KCNT2: variants seen among roughly 807,000 people sequenced by gnomAD.
The protein encoded by KCNT2 is potassium channel subfamily T member 2.
In KCNT2, 67 loss-of-function variants were observed where a neutral mutation model predicts 153.8. That is an observed-to-expected ratio of 0.44 (90% CI 0.36 to 0.53). KCNT2 has a LOEUF of 0.53. Ranked by LOEUF, KCNT2 falls within the 20% of genes least tolerant of loss-of-function variation. KCNT2 has a pLI of 0.00. For missense variants in KCNT2, 975 were observed against 1,354.8 expected, an observed-to-expected ratio of 0.72 and a Z score of 4.40; for synonymous variants, 500 against 458.8, an observed-to-expected ratio of 1.09 and a Z score of -1.15.
At chr1:196,277,633 T>C (rs1202878918) in intron 25 of KCNT2, among the ~76,000 whole-genome samples, 1 of 152,130 alleles carries the variant, frequency 6.6e-6, no homozygotes, top group African/African-American at 2.4e-5. Context: ...GACTCTCCAA[T>C]AGTAATTACT....
chr1:196,321,731 C>A (rs1204768161), intron 19 of KCNT2, among the ~76,000 whole-genome samples: 2 of 151,808 alleles, frequency 1.3e-5, no homozygotes, highest in Non-Finnish European at 2.9e-5. Flanking sequence ...ATGCCGTATT[C>A]TTTGCAAAAT....
At chr1:196,292,024 A>C (rs151008296) in intron 22 of KCNT2, among the ~76,000 whole-genome samples, 1 of 152,210 alleles carries the variant, frequency 6.6e-6, no homozygotes, top group African/African-American at 2.4e-5. Context: ...AATGTGTCTT[A>C]AAAAATAGAA....
intron 27 of KCNT2, among the ~76,000 whole-genome samples, chr1:196,231,368 G>C (rs1305461152): frequency 6.6e-6 from 1 of 151,820 alleles, no homozygotes; most frequent in Non-Finnish European, 1.5e-5. Context: ...AATCTCTGAG[G>C]TATGCCTGAG....
At chr1:196,516,995 T>C in intron 1 of KCNT2, among the ~76,000 whole-genome samples, 1 of 152,138 alleles carries the variant, frequency 6.6e-6, no homozygotes, top group East Asian at 1.9e-4. Context: ...CAGCTGGGAC[T>C]ATGGAGCCAG....
intron 12 of KCNT2, among the ~76,000 whole-genome samples, chr1:196,407,349 CA>C (rs34141938): frequency 6.6e-6 from 1 of 151,370 alleles, no homozygotes; most frequent in African/African-American, 2.4e-5. Flanking sequence ...GTACATCTGT[CA>C]AAAATTTACC....
chr1:196,394,997 T>A (rs1558237843), intron 13 of KCNT2, among the ~76,000 whole-genome samples: 1 of 150,890 alleles, frequency 6.6e-6, no homozygotes, highest in African/African-American at 2.4e-5. Context: ...TTTTTTTTTT[T>A]AAGTTTTAAT....
intron 22 of KCNT2, among the ~76,000 whole-genome samples, chr1:196,287,951 C>G (rs2147901680): frequency 6.6e-6 from 1 of 151,996 alleles, no homozygotes; most frequent in East Asian, 1.9e-4. Flanking sequence ...AATAATTAGG[C>G]AGTAATACAT....
chr1:196,539,576 C>T lies in KCNT2; in HGVS notation c.96-47235G>A, dbSNP rs541232474. On this transcript the variant is annotated intron_variant, in intron 1 of 27. Coordinates refer to ENST00000294725, the MANE Select transcript of KCNT2 (RefSeq NM_198503.5). ...CAGCTGTTTTCAATTTAATGGTATACAGTATTCAGTTTTTATTTCAATTAA... is the reference window on the plus strand; with the variant it reads ...CAGCTGTTTTCAATTTAATGGTATATAGTATTCAGTTTTTATTTCAATTAA... 2.0e-5 allele frequency among the ~76,000 whole-genome samples: 3 copies of T among 152,132 alleles called. No homozygotes were observed. In the East Asian group the frequency reaches 5.8e-4, roughly 29 times the overall value.
intron 27 of KCNT2, among the ~76,000 whole-genome samples, chr1:196,234,273 T>C (rs989731029): frequency 1.3e-5 from 2 of 151,264 alleles, no homozygotes; most frequent in Admixed American, 1.3e-4. Context: ...CTTTTTTTTT[T>C]ACTACCCAAC....
chr1:196,397,557 C>T (rs1004320517), intron 13 of KCNT2, among the ~76,000 whole-genome samples: 1 of 151,372 alleles, frequency 6.6e-6, no homozygotes. Context: ...CAAAAACATA[C>T]TAATGTGCAA....
Position 196,227,396 on chromosome 1 carries a change from C to T in KCNT2, c.*828G>A, listed in dbSNP as rs1160307887. 2.0e-5 allele frequency: 3 copies of T among 151,900 alleles called. No homozygotes were observed. Among genetic ancestry groups the T allele is most frequent in the Non-Finnish European group, 4.4e-5 (3 of 67,866 alleles). The allele number at this position is 151,900 out of a possible 1,614,324, so 9.4% of individuals were successfully genotyped here. A position where few individuals can be genotyped will look rare whatever the true frequency, so the allele number is the denominator to read the frequency against. ...ATCATTACTGTATATTTCAAGATATCCAGTTAATTTTTCAATCCTTGAATT... is the reference window on the plus strand; with the variant it reads ...ATCATTACTGTATATTTCAAGATATTCAGTTAATTTTTCAATCCTTGAATT... On this transcript the variant is annotated 3_prime_UTR_variant, in exon 28 of 28. Transcript: ENST00000294725.
At chr1:196,511,078 A>G (rs538402048) in intron 1 of KCNT2, among the ~76,000 whole-genome samples, 2 of 151,532 alleles carry the variant, frequency 1.3e-5, no homozygotes, top group East Asian at 1.9e-4. Flanking sequence ...GCACCTAAAA[A>G]AAGTTGAATA....
At chr1:196,362,441 C>T (rs1162168796) in intron 14 of KCNT2, among the ~76,000 whole-genome samples, 4 of 152,054 alleles carry the variant, frequency 2.6e-5, no homozygotes, top group African/African-American at 4.8e-5. Flanking sequence ...GGCTAATTTG[C>T]ATCTGAGTTC....
chr1:196,473,573 T>C (rs1017705709), intron 5 of KCNT2, among the ~76,000 whole-genome samples: 1 of 152,216 alleles, frequency 6.6e-6, no homozygotes, highest in Admixed American at 6.5e-5. Flanking sequence ...ATTTTCATGG[T>C]CTAAAATTGT....
chr1:196,310,277 C>T (rs1558129355), intron 21 of KCNT2, among the ~76,000 whole-genome samples: 1 of 151,812 alleles, frequency 6.6e-6, no homozygotes, highest in Non-Finnish European at 1.5e-5. Context: ...GGTATACAGA[C>T]ACACTTAGAT....
chr1:196,428,739 A>C (rs1342494416), intron 9 of KCNT2, among the ~76,000 whole-genome samples: 1 of 152,092 alleles, frequency 6.6e-6, no homozygotes, highest in East Asian at 1.9e-4. Context: ...AAAGACATGC[A>C]TGAATTTATC....
chr1:196,331,297 G>T (rs1664434965), intron 17 of KCNT2, 36 bp from the exon 18 acceptor site: 1 of 1,081,082 alleles, frequency 9.2e-7, no homozygotes, highest in Non-Finnish European at 1.4e-6. Context: ...CTTGGATAAG[G>T]CATGCAAATT....
chr1:196,363,154 T>A (rs771221335), intron 14 of KCNT2, among the ~76,000 whole-genome samples: 13 of 152,230 alleles, frequency 8.5e-5, no homozygotes, highest in Non-Finnish European at 1.5e-4. Flanking sequence ...TATCCCTTAT[T>A]TACTTATTTA....
In KCNT2 at chr1:196,489,910, GA is replaced by G; in HGVS notation, c.202del (p.Ser68LeufsTer5). ...TAATAAGCAGCTTAGTAATTTGAGAGAAAAATTGAACAGGCGTATCCTTAGA... is the reference window on the plus strand; with the variant it reads ...TAATAAGCAGCTTAGTAATTTGAGAGAAAATTGAACAGGCGTATCCTTAGA... The part of the protein sequence containing the change: ...SSLRIRLFNF[S>X]LKLLSCLLYI... On this transcript the variant is annotated frameshift_variant, in exon 3 of 28. Transcript: ENST00000294725. LOFTEE classifies it high-confidence loss of function. 2 of 1,580,330 alleles carry G rather than the reference GA, an allele frequency of 1.3e-6. No homozygotes were observed. The highest frequency in any genetic ancestry group is 1.7e-6 in the Non-Finnish European group (2 of 1,162,464).
Sources: gnomAD v4.1 joint callset for allele counts (sites outside exome capture counted in the v4.1 genomes callset) on GRCh38, gnomAD v4.1.1 for gene constraint, MANE v1.5 for transcripts, NCBI Gene and HGNC (gene_info 2026-07-23, HGNC 2026-07-21) for gene names.